The following KSR2 variants were observed in gnomAD, a reference collection of about 807,000 sequenced individuals.
The protein encoded by KSR2 is kinase suppressor of ras 2.
KSR2 carries 25 observed loss-of-function variants against 107.8 expected under a neutral mutation model. The observed-to-expected ratio is 0.23, with a 90% CI of 0.17 to 0.32. The LOEUF (loss-of-function observed/expected upper bound fraction) is 0.32. Among genes scored for constraint, KSR2 ranks in the 10% least tolerant of loss-of-function variants. The probability of loss-of-function intolerance (pLI) is 1.00; values close to 1 mark genes in which losing one functional copy is unlikely to be tolerated. For synonymous variants in KSR2, 480 were observed against 507.0 expected (o/e 0.95, Z 0.71); for missense variants, 887 against 1,268.9 (o/e 0.70, Z 4.57).
At chr12:117,881,779 G>C (rs1477588196) in intron 1 of KSR2, among the ~76,000 whole-genome samples, 1 of 152,240 alleles carries the variant, frequency 6.6e-6, no homozygotes, top group African/African-American at 2.4e-5. Flanking sequence ...GACCATCTGA[G>C]TTGGGAAGAG....
At chr12:117,655,584 T>C (rs1474549901) in intron 5 of KSR2, among the ~76,000 whole-genome samples, 1 of 152,222 alleles carries the variant, frequency 6.6e-6, no homozygotes, top group Non-Finnish European at 1.5e-5. Context: ...AGTGATCCAC[T>C]AGCAAAGTTT....
At chr12:117,505,347 GA>G (rs1479584345) in intron 14 of KSR2, among the ~76,000 whole-genome samples, 1 of 152,158 alleles carries the variant, frequency 6.6e-6, no homozygotes, top group African/African-American at 2.4e-5. Flanking sequence ...TCAAACCCTA[GA>G]GGCAGCACAT....
At chr12:117,681,517 C>T (rs989662899) in intron 4 of KSR2, among the ~76,000 whole-genome samples, 2 of 152,034 alleles carry the variant, frequency 1.3e-5, no homozygotes, top group Admixed American at 6.6e-5. Flanking sequence ...GAGTAAGTGA[C>T]GAGGAGAGGG....
Position 117,667,620 on chromosome 12 carries a change from T to C in KSR2, c.1025A>G (p.His342Arg). The C allele has an allele frequency of 6.2e-7, 1 of 1,609,046 alleles. No individual in the cohort carries two copies. ...GTTCTCGCAGCTGCCTACGCTGCTG[T>C]GGATCTTGAGGTTCAAGGGTTTGCT... ...KKSKPLNLKI[H>R]SSVGSCENIP... is the part of the protein sequence containing the mutation. The change falls in exon 5 of 20, where the codon CAC (histidine) becomes CGC (arginine). Residue 342 changes from histidine to arginine, a missense_variant. By Grantham distance (29) the His-to-Arg change is conservative. Coordinates refer to ENST00000339824, the MANE Select transcript of KSR2 (RefSeq NM_173598.6).
At chr12:117,883,701 C>T (rs1429871766) in intron 1 of KSR2, among the ~76,000 whole-genome samples, 2 of 152,050 alleles carry the variant, frequency 1.3e-5, no homozygotes, top group African/African-American at 4.8e-5. Flanking sequence ...AGGAGTAAAA[C>T]TCTGTCTCTA....
intron 5 of KSR2, among the ~76,000 whole-genome samples, chr12:117,655,459 G>T (rs1377068058): frequency 1.3e-5 from 2 of 152,158 alleles, no homozygotes; most frequent in Non-Finnish European, 2.9e-5. Context: ...AAGTTCTCTA[G>T]AAGGCCGTGT....
chr12:117,706,788 C>A (rs1886547182), intron 4 of KSR2, among the ~76,000 whole-genome samples: 1 of 151,856 alleles, frequency 6.6e-6, no homozygotes, highest in Admixed American at 6.6e-5. Flanking sequence ...TAAATAAATA[C>A]AATTATACTT....
At chr12:117,611,288 T>C (rs969046737) in intron 5 of KSR2, among the ~76,000 whole-genome samples, 1 of 152,096 alleles carries the variant, frequency 6.6e-6, no homozygotes, top group Admixed American at 6.5e-5. Flanking sequence ...GCTTGATTGG[T>C]TCTAATTTAC....
intron 3 of KSR2, among the ~76,000 whole-genome samples, chr12:117,763,495 A>C (rs1277116413): frequency 1.3e-5 from 2 of 152,190 alleles, no homozygotes; most frequent in African/African-American, 4.8e-5. Flanking sequence ...AGATCCAACA[A>C]CACCAAATGT....
Position 117,671,318 on chromosome 12 carries a change from C to T in KSR2, c.987-3660G>A, listed in dbSNP as rs116896014. On this transcript the variant is annotated intron_variant, in intron 4 of 19. Coordinates refer to ENST00000339824, the MANE Select transcript of KSR2 (RefSeq NM_173598.6). ...TGTTCCTTCTCAGTTCTCTCTCTCT[C>T]GATTGATTGATCATTAGATAGATAG... is the stretch of plus-strand genomic sequence containing the variant. 2.9e-4 allele frequency among the ~76,000 whole-genome samples: 44 copies of T among 152,274 alleles called. 1 individual carries two copies. In the East Asian group the frequency reaches 6.8e-3, roughly 23 times the overall value.
intron 12 of KSR2, among the ~76,000 whole-genome samples, chr12:117,529,853 T>TAA (rs369396534): frequency 6.8e-6 from 1 of 147,768 alleles, no homozygotes; most frequent in African/African-American, 2.5e-5. Context: ...AATAAAAAAT[T>TAA]AAAAAAAAAA....
At chr12:117,522,694 C>T (rs770179484) in intron 14 of KSR2, among the ~76,000 whole-genome samples, 24 of 152,244 alleles carry the variant, frequency 1.6e-4, no homozygotes, top group Non-Finnish European at 3.1e-4. Context: ...AGATGTAGGT[C>T]TTGACCTCTT....
At chr12:117,678,476 T>C (rs773480675) in intron 4 of KSR2, among the ~76,000 whole-genome samples, 3 of 152,106 alleles carry the variant, frequency 2.0e-5, no homozygotes, top group Non-Finnish European at 4.4e-5. Context: ...ACCCAAGAGC[T>C]TGACCACAGG....
At chr12:117,865,444 T>C (rs1422432196) in intron 1 of KSR2, among the ~76,000 whole-genome samples, 4 of 152,254 alleles carry the variant, frequency 2.6e-5, no homozygotes, top group Admixed American at 2.6e-4. Context: ...TATGCCTATG[T>C]TGTATTTCAA....
intron 10 of KSR2, among the ~76,000 whole-genome samples, chr12:117,536,105 TA>T (rs957812819): frequency 1.1e-4 from 17 of 152,296 alleles, no homozygotes; most frequent in African/African-American, 4.1e-4. Flanking sequence ...GTCCTGAGAT[TA>T]ACAAATGAGT....
intron 5 of KSR2, among the ~76,000 whole-genome samples, chr12:117,639,239 C>G (rs539098485): frequency 7.4e-4 from 113 of 152,078 alleles, no homozygotes; most frequent in African/African-American, 2.7e-3. Context: ...TTAAAGTATA[C>G]ATATTAATAG....
chr12:117,768,393 G>A (rs909767478), intron 3 of KSR2, among the ~76,000 whole-genome samples: 5 of 152,214 alleles, frequency 3.3e-5, no homozygotes, highest in Non-Finnish European at 7.3e-5. Context: ...AGCCCAGTGT[G>A]CCAGACCAGG....
intron 3 of KSR2, among the ~76,000 whole-genome samples, chr12:117,789,396 A>T (rs1305661913): frequency 6.6e-6 from 1 of 152,176 alleles, no homozygotes; most frequent in Non-Finnish European, 1.5e-5. Flanking sequence ...ATTCAGGCAC[A>T]TACTTACTTT....
intron 1 of KSR2, among the ~76,000 whole-genome samples, chr12:117,889,258 A>C (rs1894267239): frequency 6.6e-6 from 1 of 152,176 alleles, no homozygotes; most frequent in Admixed American, 6.5e-5. Context: ...CGGAAATCAG[A>C]TCTCTTGTGG....
Sources: gnomAD v4.1 joint callset for allele counts (sites outside exome capture counted in the v4.1 genomes callset) on GRCh38, gnomAD v4.1.1 for gene constraint, MANE v1.5 for transcripts, NCBI Gene and HGNC (gene_info 2026-07-23, HGNC 2026-07-21) for gene names.